The following FN1 variants were observed in gnomAD, a reference collection of about 807,000 sequenced individuals.
FN1 encodes fibronectin.
A neutral mutation model predicts 297.3 loss-of-function variants in FN1; 106 were observed. The ratio of observed to expected loss-of-function variants is 0.36; its 90% CI spans 0.30 to 0.42. The LOEUF (loss-of-function observed/expected upper bound fraction) is 0.42, where lower values mean the gene tolerates loss of function less well. Ranked by LOEUF, FN1 falls within the 10% of genes least tolerant of loss-of-function variation. The pLI is 1.00. For missense variants in FN1, 2,690 were observed against 3,124.9 expected (o/e 0.86, Z 3.32); for synonymous variants, 1,149 against 1,152.6 (o/e 1.00, Z 0.06).
intron 40 of FN1, 34 bp downstream of exon 40, chr2:215,371,875 T>C: frequency 1.3e-6 from 2 of 1,563,280 alleles, no homozygotes; most frequent in Non-Finnish European, 8.8e-7. Flanking sequence ...CTTTCTGTGC[T>C]GCCCCATGAG....
intron 20 of FN1, among the ~76,000 whole-genome samples, chr2:215,401,502 C>A (rs34255697): frequency 0.32 from 49,103 of 152,024 alleles, 8,806 homozygotes; most frequent in South Asian, 0.49. Flanking sequence ...CAAGTGTGTT[C>A]ATAGCTCTGG....
intron 29 of FN1, chr2:215,384,508 T>G (rs1304413807): frequency 2.5e-6 from 1 of 394,408 alleles, no homozygotes; most frequent in African/African-American, 2.1e-5. Context: ...TTTAAAACTT[T>G]TAACAGAATA....
chr2:215,362,168 A>G (rs2053597281), intron 44 of FN1, 89 bp from the exon 45 acceptor site: 2 of 954,810 alleles, frequency 2.1e-6, no homozygotes, highest in African/African-American at 3.2e-5. Context: ...AAAATGTCAC[A>G]TCATATGCAC....
chr2:215,376,204 C>T (rs1457004435), intron 36 of FN1, among the ~76,000 whole-genome samples: 4 of 152,016 alleles, frequency 2.6e-5, no homozygotes, highest in African/African-American at 9.7e-5. Context: ...TTTTTTATTT[C>T]TTTTAGTTTT....
chr2:215,417,213 T>A (rs983663696), intron 12 of FN1, among the ~76,000 whole-genome samples: 6 of 152,214 alleles, frequency 3.9e-5, no homozygotes, highest in African/African-American at 1.4e-4. Context: ...ATTAACTTAA[T>A]TGGCATATAC....
In FN1 at chr2:215,361,800, A is replaced by C; in HGVS notation, c.7362+169T>G. 3 of 559,740 alleles carry C rather than the reference A, an allele frequency of 5.4e-6. No individual in the cohort carries two copies. In the South Asian group the frequency reaches 2.3e-4, roughly 42 times the overall value. The allele number at this position is 559,740 out of a possible 1,614,324, so 34.7% of individuals were successfully genotyped here. ...GCAATAGGAGATGTTCAAGAGTTAC[A>C]TAAATTATAACTTAAACTATATTAT... On this transcript the variant is annotated intron_variant, in intron 45 of 45. Transcript: ENST00000354785.
At chr2:215,423,321 C>G in intron 9 of FN1, 29 bp downstream of exon 9, 1 of 1,611,684 alleles carries the variant, frequency 6.2e-7, no homozygotes, top group South Asian at 1.1e-5. Context: ...TGTTGTCAAA[C>G]AAGACAACCC....
intron 18 of FN1, among the ~76,000 whole-genome samples, 197 bp from the exon 19 acceptor site, chr2:215,406,707 A>G (rs916102074): frequency 6.6e-6 from 1 of 152,222 alleles, no homozygotes; most frequent in Non-Finnish European, 1.5e-5. Flanking sequence ...TTTATCTAAA[A>G]TAGGTAATAA....
intron 34 of FN1, 81 bp downstream of exon 34, chr2:215,379,046 TATG>T (rs1459098431): frequency 2.6e-6 from 3 of 1,140,300 alleles, no homozygotes; most frequent in East Asian, 2.3e-5. Context: ...TTAGATTTAT[TATG>T]ATATTATATT....
chr2:215,371,036 A>G (rs990137534), intron 40 of FN1, among the ~76,000 whole-genome samples: 31 of 152,278 alleles, frequency 2.0e-4, no homozygotes, highest in African/African-American at 5.3e-4. Flanking sequence ...TTGGGAGGCC[A>G]AGGCGGGCGG....
In FN1 at chr2:215,372,373, C is replaced by T. The variant is rs775650652; in HGVS notation, c.6250G>A (p.Glu2084Lys). Residue 2084 changes from glutamate to lysine, a missense_variant and splice_region_variant, in exon 40 of 46, where the codon GAG becomes AAG. Glu to Lys is a moderately conservative substitution (Grantham distance 56). Coordinates refer to ENST00000354785, the MANE Select transcript of FN1 (RefSeq NM_212482.4). ...GGAAGGGTTACCAGTTGGGGAAGCT[C>T]GTCTAGCCGAGAGAGGTTAGAGCCA... ...EPLIGRKKTD[E>K]LPQLVTLPHP... is the part of the protein sequence containing the mutation. 16 of 1,613,850 alleles carry T rather than the reference C, an allele frequency of 9.9e-6. No homozygotes were observed. The highest frequency in any genetic ancestry group is 3.3e-5 in the Admixed American group (2 of 60,012).
At chr2:215,411,198 T>C (rs1312873335) in intron 13 of FN1, among the ~76,000 whole-genome samples, 3 of 152,218 alleles carry the variant, frequency 2.0e-5, no homozygotes, top group Non-Finnish European at 4.4e-5. Context: ...GCTTCATTAA[T>C]ATGCCATGGG....
At chr2:215,398,460 T>C (rs2060576175) in intron 21 of FN1, among the ~76,000 whole-genome samples, 2 of 152,234 alleles carry the variant, frequency 1.3e-5, no homozygotes, top group African/African-American at 4.8e-5. Flanking sequence ...AGAGAGATCC[T>C]TCACACATCA....
intron 24 of FN1, 74 bp from the exon 25 acceptor site, chr2:215,393,277 A>G (rs1041712829): frequency 9.0e-6 from 13 of 1,444,612 alleles, no homozygotes; most frequent in Non-Finnish European, 1.2e-5. Context: ...AAAATAAAGC[A>G]GTGTATATCA....
chr2:215,408,031 G>A (rs759641066), intron 17 of FN1, 77 bp downstream of exon 17: 108 of 1,066,558 alleles, frequency 1.0e-4, no homozygotes, highest in Non-Finnish European at 1.5e-4. Flanking sequence ...ATGCAGGTCC[G>A]CAGTCAGAAT....
rs140790085 is a variant in FN1, at chr2:215,409,083, C to T, written c.2299+480G>A. On this transcript the variant is annotated intron_variant, in intron 15 of 45. Coordinates refer to ENST00000354785, the MANE Select transcript of FN1 (RefSeq NM_212482.4). ...GATGGGGTGAGGGTAGAGAGATATT[C>T]TTTTCCTTGATCTGGGTGCTGGTCT... is the stretch of plus-strand genomic sequence containing the variant. 2.6e-4 allele frequency among the ~76,000 whole-genome samples: 40 copies of T among 152,090 alleles called. No individual in the cohort carries two copies. The East Asian group carries it at 7.4e-3, about 28-fold the overall frequency.
Position 215,375,323 on chromosome 2 carries a change from C to A in FN1, c.6048G>T (p.Pro2016=), listed in dbSNP as rs752013950. The A allele has an allele frequency of 6.2e-7, 1 of 1,614,064 alleles. No homozygotes were observed. Among genetic ancestry groups the A allele is most frequent in the Non-Finnish European group, 8.5e-7 (1 of 1,179,990 alleles). The change falls in exon 38 of 46, where the codon CCG becomes CCT. Residue 2016 remains proline (P), a synonymous_variant. Coordinates refer to ENST00000354785, the MANE Select transcript of FN1 (RefSeq NM_212482.4). ...TGTAGCCGGTAATCCTGGCACGTGG[C>A]GGCTGCCATGATACCAGCAAGGAAT... ...TPNSLLVSWQ[P]PRARITGYII... is the part of the protein sequence containing the mutation.
At chr2:215,386,592 T>G in intron 28 of FN1, 97 bp downstream of exon 28, 3 of 522,428 alleles carry the variant, frequency 5.7e-6, no homozygotes, top group South Asian at 4.0e-5. Flanking sequence ...TTTTTTTTTT[T>G]TTGAGAGCTG....
rs200561534 is a variant in FN1 at position 215,393,092 on chromosome 2, A to G, written c.3908T>C (p.Val1303Ala). The change falls in exon 25 of 46, where the codon GTT becomes GCT. Residue 1303 changes from valine (V) to alanine (A), a missense_variant. Val to Ala is a moderately conservative substitution (Grantham distance 64). Transcript: ENST00000354785. ...STIIGYRITV[V>A]AAGEGIPIFE... ...AATAGGGATACCTTCTCCTGCCGCA[A>G]CTACTGTGATGCGGTACCCAATAAT... The G allele has an allele frequency of 1.3e-4, 205 of 1,613,928 alleles. No homozygotes were observed. The highest frequency in any genetic ancestry group is 1.6e-4 in the Non-Finnish European group (191 of 1,180,002).
Sources: allele counts gnomAD v4.1 joint callset (sites outside exome capture counted in the v4.1 genomes callset), GRCh38; gene constraint gnomAD v4.1.1; transcripts MANE v1.5; gene names NCBI Gene and HGNC (gene_info 2026-07-23, HGNC 2026-07-21).